The following ZNF888 variants were observed in gnomAD, a reference collection of about 807,000 sequenced individuals.
The protein encoded by ZNF888 is CTD-2331H12.6.
ZNF888 carries 5 observed loss-of-function variants against 7.2 expected under a neutral mutation model. The ratio of observed to expected loss-of-function variants is 0.70; its 90% CI spans 0.36 to 1.46. The LOEUF (loss-of-function observed/expected upper bound fraction) is 1.46, where lower values mean the gene tolerates loss of function less well. Among genes scored for constraint, ZNF888 ranks in the 40% most tolerant of loss-of-function variants. The pLI is 0.03. For missense variants in ZNF888, 716 were observed against 858.0 expected, an observed-to-expected ratio of 0.83 and a Z score of 2.07; for synonymous variants, 240 against 284.3, an observed-to-expected ratio of 0.84 and a Z score of 1.57.
chr19:52,922,807 C>T (rs560873968), intron 1 of ZNF888, among the ~76,000 whole-genome samples: 1 of 152,154 alleles, frequency 6.6e-6, no homozygotes, highest in African/African-American at 2.4e-5. Context: ...AAGAACACCC[C>T]GTGTCACAGG....
intron 1 of ZNF888, chr19:52,921,610 T>G (rs950602621): frequency 1.6e-5 from 15 of 959,720 alleles, no homozygotes; most frequent in Non-Finnish European, 1.7e-5. Flanking sequence ...AACATTTAAT[T>G]TTTCCTTACA....
Position 52,908,015 on chromosome 19 carries a change from C to A in ZNF888, c.307G>T (p.Asp103Tyr), listed in dbSNP as rs533898668. The A allele has an allele frequency of 2.4e-4, 387 of 1,614,076 alleles. 4 individuals carry two copies. The South Asian group carries it at 4.0e-3, about 17-fold the overall frequency. Residue 103 changes from aspartate (D) to tyrosine (Y), a missense_variant, in exon 5 of 5, where the codon GAT becomes TAT. Physicochemically the swap from Asp to Tyr is radical, Grantham distance 160. Around this residue, in one of 2 missense-constraint regions of ZNF888, gnomAD observed 697 missense variants for 803.4 expected, o/e 0.87. Coordinates refer to ENST00000638862, the MANE Select transcript of ZNF888 (RefSeq NM_001393938.1). ...IHDFVFQWQE[D>Y]ETNGHEAPMT... The stretch of plus-strand genomic sequence containing the variant: ...GGTGCTTCATGGCCATTTGTTTCAT[C>A]TTCTTGCCACTGAAACACAAAGTCA...
intron 4 of ZNF888, among the ~76,000 whole-genome samples, chr19:52,914,561 C>T (rs1313677453): frequency 3.3e-5 from 5 of 152,196 alleles, no homozygotes; most frequent in Non-Finnish European, 7.4e-5. Context: ...TTGGGGAGCA[C>T]TGTAATATGT....
chr19:52,906,993 A>G lies in ZNF888; in HGVS notation c.1329T>C (p.Cys443=). Residue 443 remains cysteine, a synonymous_variant, in exon 5 of 5, where the codon TGT becomes TGC. Coordinates refer to ENST00000638862, the MANE Select transcript of ZNF888 (RefSeq NM_001393938.1). ...TGEKPYKCNE[C]GKVFNQQSNL... is the part of the protein sequence containing the mutation. Reference sequence around the variant, plus strand: ...TTGATTGTTGATTGAAAACCTTGCCACATTCATTACACTTGTAAGGTTTCT... The same window carrying G: ...TTGATTGTTGATTGAAAACCTTGCCGCATTCATTACACTTGTAAGGTTTCT... 6.2e-7 allele frequency: 1 copy of G among 1,613,108 alleles called. No homozygotes were observed. Among genetic ancestry groups the G allele is most frequent in the Non-Finnish European group, 8.5e-7 (1 of 1,179,488 alleles).
chr19:52,906,751 C>A lies in ZNF888; in HGVS notation c.1571G>T (p.Cys524Phe). 6.2e-7 allele frequency: 1 copy of A among 1,613,468 alleles called. No individual in the cohort carries two copies. Among genetic ancestry groups the A allele is most frequent in the Non-Finnish European group, 8.5e-7 (1 of 1,179,432 alleles). Residue 524 changes from cysteine (C) to phenylalanine (F), a missense_variant, in exon 5 of 5, where the codon TGT becomes TTT. By Grantham distance (205) the Cys-to-Phe change is radical. Transcript: ENST00000638862. ...VIHTGEKPYK[C>F]NECGKTFVQN... Reference sequence around the variant, plus strand: ...AACGAAGGTCTTGCCACACTCATTACACTTGTAAGGTTTCTCTCCAGTGTG... The same window carrying A: ...AACGAAGGTCTTGCCACACTCATTAAACTTGTAAGGTTTCTCTCCAGTGTG...
In ZNF888 at chr19:52,908,300, G is replaced by T; in HGVS notation, c.143-121C>A. 5 of 960,738 alleles carry T rather than the reference G, an allele frequency of 5.2e-6. 1 individual carries two copies. The South Asian group carries it at 7.4e-5, about 14-fold the overall frequency. The allele number at this position is 960,738 out of a possible 1,614,324, so 59.5% of individuals were successfully genotyped here. On this transcript the variant is annotated intron_variant, in intron 4 of 4. Coordinates refer to ENST00000638862, the MANE Select transcript of ZNF888 (RefSeq NM_001393938.1). Reference sequence around the variant, plus strand: ...AAACATCTCAAACATGAGCTTCAAAGTTCAGGAACACAAAAGGAGGAAGAT... The same window carrying T: ...AAACATCTCAAACATGAGCTTCAAATTTCAGGAACACAAAAGGAGGAAGAT...
chr19:52,922,269 C>CTGTGCA (rs67459742), intron 1 of ZNF888, among the ~76,000 whole-genome samples: 468 of 2,192 alleles, frequency 0.21, 3 homozygotes, highest in African/African-American at 0.45. Context: ...TCTCCCATCT[C>CTGTGCA]TCCTGAGCTC....
At position 52,907,397 on chromosome 19, in the gene ZNF888, C is replaced by G; in HGVS notation, c.925G>C (p.Asp309His). Residue 309 changes from aspartate (D) to histidine (H), a missense_variant, in exon 5 of 5, where the codon GAC becomes CAC. Asp to His is a moderately conservative substitution (Grantham distance 81). Coordinates refer to ENST00000638862, the MANE Select transcript of ZNF888 (RefSeq NM_001393938.1). Reference sequence around the variant, plus strand: ...TTGTGAACTAAGAGGGCTGACTTGTCACTGAACGTCTTGCCACACTCATTA... The same window carrying G: ...TTGTGAACTAAGAGGGCTGACTTGTGACTGAACGTCTTGCCACACTCATTA... ...KCNECGKTFS[D>H]KSALLVHKTI... 1 of 1,612,548 alleles carries G rather than the reference C, an allele frequency of 6.2e-7. No individual in the cohort carries two copies. Among genetic ancestry groups the G allele is most frequent in the South Asian group, 1.1e-5 (1 of 90,904 alleles).
rs71335690 is a variant in ZNF888 at position 52,910,149 on chromosome 19, C to CAAA, written c.143-1973_143-1971dup. Among the ~76,000 whole-genome samples, 127 of 83,908 alleles carry CAAA rather than the reference C, an allele frequency of 1.5e-3. 7 individuals are homozygous for CAAA. Among genetic ancestry groups the CAAA allele is most frequent in the South Asian group, 2.8e-3 (6 of 2,132 alleles). 55.0% of individuals were successfully genotyped at this position (83,908 alleles called of 152,430 possible). ...TGGGGACTAGAGCGAGACTTCGTCT[C>CAAA]AAAAAAAAAAAAAAAAAAAAAAAAA... On this transcript the variant is annotated intron_variant, in intron 4 of 4. Coordinates refer to ENST00000638862, the MANE Select transcript of ZNF888 (RefSeq NM_001393938.1).
Position 52,905,578 on chromosome 19 carries a change from G to A in ZNF888, c.*587C>T. ...GATCCACCCACCTTGGCCTCCCACA[G>A]TGCTAGCATTACAGGTGTGAGCCAC... On this transcript the variant is annotated 3_prime_UTR_variant, in exon 5 of 5. Transcript: ENST00000638862. 1 of 323,696 alleles carries A rather than the reference G, an allele frequency of 3.1e-6. No individual in the cohort carries two copies. The highest frequency in any genetic ancestry group is 8.6e-5 in the East Asian group (1 of 11,586). 20.1% of individuals were successfully genotyped at this position (323,696 alleles called of 1,614,324 possible).
intron 3 of ZNF888, chr19:52,917,515 C>T: frequency 1.5e-6 from 1 of 651,354 alleles, no homozygotes; most frequent in Non-Finnish European, 2.8e-6. Context: ...GGCAGCTACT[C>T]TAATCTTGGT....
At chr19:52,916,357 A>AT (rs1444446891) in intron 3 of ZNF888, among the ~76,000 whole-genome samples, 1 of 150,738 alleles carries the variant, frequency 6.6e-6, no homozygotes, top group African/African-American at 2.4e-5. Flanking sequence ...TACAAAATCC[A>AT]TTTTTTAAAT....
At chr19:52,916,338 TACTC>T (rs1451445736) in intron 3 of ZNF888, among the ~76,000 whole-genome samples, 1 of 151,896 alleles carries the variant, frequency 6.6e-6, no homozygotes, top group Non-Finnish European at 1.5e-5. Flanking sequence ...AAAACAAACT[TACTC>T]AAAGTACAAA....
intron 3 of ZNF888, among the ~76,000 whole-genome samples, chr19:52,916,695 A>G (rs2064755628): frequency 6.6e-6 from 1 of 150,548 alleles, no homozygotes; most frequent in African/African-American, 2.5e-5. Flanking sequence ...GAGGAATCTC[A>G]CCTTGGCGGA....
At chr19:52,910,140 ACTTC>A (rs2064659595) in intron 4 of ZNF888, among the ~76,000 whole-genome samples, 3 of 131,464 alleles carry the variant, frequency 2.3e-5, no homozygotes, top group Non-Finnish European at 4.7e-5. Context: ...CTAGAGCGAG[ACTTC>A]GTCTCAAAAA....
intron 4 of ZNF888, among the ~76,000 whole-genome samples, chr19:52,912,505 C>T (rs1183049943): frequency 7.0e-6 from 1 of 143,196 alleles, no homozygotes; most frequent in Non-Finnish European, 1.5e-5. Context: ...GTGGGAGGAT[C>T]ACGTGGTCAG....
Position 52,907,265 on chromosome 19 carries a change from G to A in ZNF888, c.1057C>T (p.Pro353Ser), listed in dbSNP as rs189930036. 5.5e-5 allele frequency: 89 copies of A among 1,612,452 alleles called. No homozygotes were observed. In the East Asian group the frequency reaches 1.5e-3, roughly 26 times the overall value. Residue 353 changes from proline to serine, a missense_variant, in exon 5 of 5, where the codon CCT becomes TCT. Transcript: ENST00000638862. ...TTGTCACATTCTTTACATTGGTAAG[G>A]TTTCTCTCCAGTATGAACTCTATGA... ...RHHRVHTGEK[P>S]YQCKECDKVF...
chr19:52,905,391 A>G lies in ZNF888; in HGVS notation c.*774T>C, dbSNP rs2064595221. On this transcript the variant is annotated 3_prime_UTR_variant, in exon 5 of 5. Coordinates refer to ENST00000638862, the MANE Select transcript of ZNF888 (RefSeq NM_001393938.1). ...AAATCCTATAAAACGGCCCCACCCC[A>G]TCTCCCTTCCCTGACTCTCTTTTCG... 1 of 152,020 alleles carries G rather than the reference A, an allele frequency of 6.6e-6. No individual in the cohort carries two copies. The highest frequency in any genetic ancestry group is 1.4e-5 in the Non-Finnish European group (1 of 70,828). The allele number at this position is 152,020 out of a possible 1,614,324, so 9.4% of individuals were successfully genotyped here. A position where few individuals can be genotyped will look rare whatever the true frequency, so the allele number is the denominator to read the frequency against.
At chr19:52,920,521 A>AG (rs2064813637) in intron 1 of ZNF888, among the ~76,000 whole-genome samples, 1 of 43,664 alleles carries the variant, frequency 2.3e-5, no homozygotes, top group Non-Finnish European at 4.8e-5. Flanking sequence ...AAAAAAGAAA[A>AG]AAAAAGAAAA....
Sources: gnomAD v4.1 joint callset for allele counts (sites outside exome capture counted in the v4.1 genomes callset) on GRCh38, gnomAD v4.1.1 for gene constraint, gnomAD v4.1.1 regional missense constraint, MANE v1.5 for transcripts, NCBI Gene and HGNC (gene_info 2026-07-23, HGNC 2026-07-21) for gene names.